Variants in C10orf90 observed in about 807,000 individuals in gnomAD.
C10orf90 encodes the protein (E2-independent) E3 ubiquitin-conjugating enzyme FATS.
In C10orf90, 56 loss-of-function variants were observed where a neutral mutation model predicts 62.5. The ratio of observed to expected loss-of-function variants is 0.90; its 90% CI spans 0.72 to 1.12. The LOEUF (loss-of-function observed/expected upper bound fraction) is 1.12, where lower values mean the gene tolerates loss of function less well. Among genes scored for constraint, C10orf90 ranks in the 50% most tolerant of loss-of-function variants. The pLI is 0.00. For synonymous variants in C10orf90, 386 were observed against 340.4 expected, an observed-to-expected ratio of 1.13 and a Z score of -1.47; for missense variants, 970 against 880.4, an observed-to-expected ratio of 1.10 and a Z score of -1.29.
chr10:126,429,008 T>A (rs1474069203), intron 8 of C10orf90, among the ~76,000 whole-genome samples: 2 of 152,192 alleles, frequency 1.3e-5, no homozygotes, highest in Non-Finnish European at 2.9e-5. Context: ...GGGAGAAAAG[T>A]ATTCTCCCTA....
At chr10:126,437,824 C>G (rs1361231587) in intron 7 of C10orf90, among the ~76,000 whole-genome samples, 3 of 152,196 alleles carry the variant, frequency 2.0e-5, no homozygotes, top group African/African-American at 7.2e-5. Flanking sequence ...CTGCAGGGTC[C>G]CTGAGGCTAT....
At chr10:126,550,862 T>C (rs1274718372) in intron 2 of C10orf90, among the ~76,000 whole-genome samples, 1 of 152,200 alleles carries the variant, frequency 6.6e-6, no homozygotes, top group Non-Finnish European at 1.5e-5. Context: ...TGTCACCATA[T>C]TTAAAACCTT....
intron 2 of C10orf90, among the ~76,000 whole-genome samples, chr10:126,638,549 A>G (rs1450784072): frequency 6.6e-6 from 1 of 151,692 alleles, no homozygotes; most frequent in Non-Finnish European, 1.5e-5. Context: ...ACTCCTCTAC[A>G]TCTTCTCTCT....
At chr10:126,569,446 G>C (rs562913621) in intron 2 of C10orf90, among the ~76,000 whole-genome samples, 1 of 152,182 alleles carries the variant, frequency 6.6e-6, no homozygotes, top group South Asian at 2.1e-4. Flanking sequence ...TAAGCAGAGA[G>C]AGACCAAGAG....
At chr10:126,470,024 A>G in intron 4 of C10orf90, 1 of 456,462 alleles carries the variant, frequency 2.2e-6, no homozygotes, top group South Asian at 1.5e-5. Flanking sequence ...AGGGAAAGGC[A>G]TTCTTCTGCA....
chr10:126,459,270 C>T, intron 6 of C10orf90, 53 bp from the exon 7 acceptor site: 4 of 1,594,608 alleles, frequency 2.5e-6, no homozygotes, highest in Non-Finnish European at 2.6e-6. Context: ...CACAGAAAGG[C>T]AACGCATCTG....
At chr10:126,571,711 G>A (rs903766099) in intron 2 of C10orf90, among the ~76,000 whole-genome samples, 4 of 152,178 alleles carry the variant, frequency 2.6e-5, no homozygotes, top group African/African-American at 9.7e-5. Flanking sequence ...CACTGGGGTT[G>A]ACTTTCCCAC....
intron 2 of C10orf90, among the ~76,000 whole-genome samples, chr10:126,514,790 C>A (rs183058855): frequency 2.1e-3 from 313 of 152,126 alleles, no homozygotes; most frequent in African/African-American, 7.1e-3. Flanking sequence ...CCCCTCTCCA[C>A]CCCCCATCTC....
At chr10:126,610,709 C>G (rs1329958816) in intron 2 of C10orf90, among the ~76,000 whole-genome samples, 1 of 152,190 alleles carries the variant, frequency 6.6e-6, no homozygotes, top group African/African-American at 2.4e-5. Flanking sequence ...CTTCAAAACA[C>G]TTTAGAATGG....
At chr10:126,466,779 T>A (rs771227738) in intron 4 of C10orf90, among the ~76,000 whole-genome samples, 4 of 152,230 alleles carry the variant, frequency 2.6e-5, no homozygotes, top group Non-Finnish European at 5.9e-5. Context: ...GTTGGATACA[T>A]AGAAAGTACC....
intron 2 of C10orf90, among the ~76,000 whole-genome samples, chr10:126,583,404 A>G (rs1174170447): frequency 6.6e-6 from 1 of 152,238 alleles, no homozygotes; most frequent in Non-Finnish European, 1.5e-5. Flanking sequence ...TGGGGATTTT[A>G]TATTGAACAC....
At chr10:126,639,403 G>A (rs1000563018) in intron 2 of C10orf90, among the ~76,000 whole-genome samples, 5 of 152,202 alleles carry the variant, frequency 3.3e-5, no homozygotes, top group South Asian at 2.1e-4. Flanking sequence ...AGTGCCAGAC[G>A]CCTGTCTCTC....
At chr10:126,481,806 C>T (rs996124328) in intron 4 of C10orf90, among the ~76,000 whole-genome samples, 1 of 152,162 alleles carries the variant, frequency 6.6e-6, no homozygotes, top group African/African-American at 2.4e-5. Context: ...ACCTCCTCCC[C>T]AAGTTGGGCC....
chr10:126,571,213 T>C (rs2134003843), intron 2 of C10orf90, among the ~76,000 whole-genome samples: 1 of 152,336 alleles, frequency 6.6e-6, no homozygotes, highest in Non-Finnish European at 1.5e-5. Flanking sequence ...CACTGAGACT[T>C]CTTTTAGAAG....
chr10:126,663,747 T>C (rs566916695), intron 1 of C10orf90, among the ~76,000 whole-genome samples: 25 of 152,298 alleles, frequency 1.6e-4, no homozygotes, highest in African/African-American at 5.8e-4. Flanking sequence ...GTCTAGAACT[T>C]GCAGATCATG....
At chr10:126,557,238 T>C (rs916559541) in intron 2 of C10orf90, among the ~76,000 whole-genome samples, 4 of 151,856 alleles carry the variant, frequency 2.6e-5, no homozygotes, top group Non-Finnish European at 4.4e-5. Context: ...GCCCAGCACT[T>C]TGGGAGGCTG....
chr10:126,645,277 A>AG (rs933978593), intron 2 of C10orf90, among the ~76,000 whole-genome samples: 1 of 151,600 alleles, frequency 6.6e-6, no homozygotes, highest in African/African-American at 2.4e-5. Context: ...AAAAAAAAAA[A>AG]AAGCTGGAGG....
At chr10:126,593,649 T>C (rs1034974471) in intron 2 of C10orf90, among the ~76,000 whole-genome samples, 1 of 152,158 alleles carries the variant, frequency 6.6e-6, no homozygotes, top group Non-Finnish European at 1.5e-5. Context: ...CCATGGCACA[T>C]GTTTATCTAC....
intron 2 of C10orf90, among the ~76,000 whole-genome samples, chr10:126,576,970 G>A (rs1439947842): frequency 6.6e-6 from 1 of 151,456 alleles, no homozygotes; most frequent in African/African-American, 2.4e-5. Flanking sequence ...GGAGTAAAAA[G>A]TAGAACAGAG....
Sources: gnomAD v4.1 joint callset for allele counts (sites outside exome capture counted in the v4.1 genomes callset) on GRCh38, gnomAD v4.1.1 for gene constraint, MANE v1.5 for transcripts, NCBI Gene and HGNC (gene_info 2026-07-23, HGNC 2026-07-21) for gene names.